The following ARHGAP10 variants were observed in gnomAD, a reference collection of about 807,000 sequenced individuals.
The protein encoded by ARHGAP10 is Rho GTPase activating protein 10, also known as rho GTPase-activating protein 10.
In ARHGAP10, 87 loss-of-function variants were observed where a neutral mutation model predicts 108.6. That is an observed-to-expected ratio of 0.80 (90% confidence interval 0.67 to 0.96). The LOEUF (loss-of-function observed/expected upper bound fraction) is 0.96. ARHGAP10 is among the 40% of genes least tolerant of loss of function. The pLI is 0.00. For synonymous variants in ARHGAP10, 347 were observed against 341.1 expected, an observed-to-expected ratio of 1.02 and a Z score of -0.19; for missense variants, 939 against 954.5, an observed-to-expected ratio of 0.98 and a Z score of 0.21.
chr4:147,802,714 G>C (rs983846136), intron 1 of ARHGAP10, among the ~76,000 whole-genome samples: 1 of 152,184 alleles, frequency 6.6e-6, no homozygotes, highest in Non-Finnish European at 1.5e-5. Context: ...GACCATGCAG[G>C]GTGAATCTAA....
At chr4:147,919,559 T>TA in intron 13 of ARHGAP10, among the ~76,000 whole-genome samples, 1 of 124,198 alleles carries the variant, frequency 8.1e-6, no homozygotes, top group East Asian at 2.2e-4. Flanking sequence ...TGGGATCTTT[T>TA]AAAAACAATT....
At chr4:147,759,897 T>TAC (rs1729525412) in intron 1 of ARHGAP10, among the ~76,000 whole-genome samples, 2 of 152,068 alleles carry the variant, frequency 1.3e-5, no homozygotes, top group Non-Finnish European at 2.9e-5. Context: ...TACAGGAGCC[T>TAC]GCCACCATGC....
chr4:147,990,352 A>G (rs1435922678), intron 18 of ARHGAP10, among the ~76,000 whole-genome samples: 1 of 152,216 alleles, frequency 6.6e-6, no homozygotes, highest in Non-Finnish European at 1.5e-5. Flanking sequence ...TTAGCCAGAA[A>G]ATGGCTAAAC....
rs184081986 is a variant in ARHGAP10 at position 148,049,910 on chromosome 4, C to T, written c.2027+2859C>T. On this transcript the variant is annotated intron_variant, in intron 20 of 22. Transcript: ENST00000336498. ...GAAGACTGAGTCTCACTCTGTCACC[C>T]AGGCTGGAGTGTGGTGGCATGATCT... Among the ~76,000 whole-genome samples the T allele has an allele frequency of 9.4e-3, 1,418 of 151,600 alleles. 7 individuals carry two copies. Among genetic ancestry groups the T allele is most frequent in the Middle Eastern group, 0.027 (8 of 292 alleles).
chr4:147,840,310 T>A lies in ARHGAP10; in HGVS notation c.313-6841T>A, dbSNP rs964611992. 7.2e-5 allele frequency among the ~76,000 whole-genome samples: 11 copies of A among 152,120 alleles called. 1 individual carries two copies. The highest frequency in any genetic ancestry group is 7.2e-4 in the Admixed American group (11 of 15,270). On this transcript the variant is annotated intron_variant, in intron 3 of 22. Coordinates refer to ENST00000336498, the MANE Select transcript of ARHGAP10 (RefSeq NM_024605.4). ...CTCCCTTTAAGCAAATCAGAATGAT[T>A]TTTTTTCTTCTCTCATGCAGTACCC...
At chr4:147,910,663 T>C (rs906380270) in intron 12 of ARHGAP10, among the ~76,000 whole-genome samples, 1 of 152,114 alleles carries the variant, frequency 6.6e-6, no homozygotes, top group African/African-American at 2.4e-5. Context: ...CATGCCCAGC[T>C]CTGTACCCTT....
intron 20 of ARHGAP10, among the ~76,000 whole-genome samples, chr4:148,060,678 T>C (rs1020867229): frequency 1.3e-5 from 2 of 152,176 alleles, no homozygotes; most frequent in African/African-American, 4.8e-5. Flanking sequence ...GTCTTGTGAA[T>C]ATTCCAGCTT....
chr4:147,998,692 A>T (rs955271830), intron 18 of ARHGAP10, among the ~76,000 whole-genome samples: 2 of 152,274 alleles, frequency 1.3e-5, no homozygotes, highest in African/African-American at 4.8e-5. Context: ...AAAATACATT[A>T]GTATATCCTA....
chr4:147,909,839 T>TA, intron 12 of ARHGAP10, 62 bp downstream of exon 12: 1 of 1,504,046 alleles, frequency 6.6e-7, no homozygotes, highest in Non-Finnish European at 9.2e-7. Context: ...TTGTGTACAT[T>TA]ATGCATGTCA....
chr4:147,946,408 T>C, intron 14 of ARHGAP10: 1 of 440,220 alleles, frequency 2.3e-6, no homozygotes, highest in Non-Finnish European at 4.0e-6. Flanking sequence ...TTTGCTTTGA[T>C]CTCTACTACA....
At chr4:147,909,041 G>C (rs1056066115) in intron 11 of ARHGAP10, among the ~76,000 whole-genome samples, 3 of 152,174 alleles carry the variant, frequency 2.0e-5, no homozygotes, top group Non-Finnish European at 4.4e-5. Context: ...GAGTTCAGGT[G>C]CCCATCACAA....
intron 1 of ARHGAP10, among the ~76,000 whole-genome samples, chr4:147,754,718 A>G (rs529819155): frequency 6.6e-6 from 1 of 152,330 alleles, no homozygotes; most frequent in South Asian, 2.1e-4. Flanking sequence ...AAGCAAAATA[A>G]CAGGAAAAAG....
chr4:147,955,688 A>G (rs1346646744), intron 16 of ARHGAP10, among the ~76,000 whole-genome samples: 2 of 152,158 alleles, frequency 1.3e-5, no homozygotes, highest in African/African-American at 4.8e-5. Flanking sequence ...TACAAAATGT[A>G]CAATAATGGC....
chr4:147,909,823 A>G (rs780830768), intron 12 of ARHGAP10, 46 bp downstream of exon 12: 10 of 1,559,324 alleles, frequency 6.4e-6, no homozygotes, highest in South Asian at 1.1e-5. Context: ...TTTTCCATCT[A>G]TTACTTTGTG....
chr4:147,904,704 G>A (rs1213664862), intron 10 of ARHGAP10, among the ~76,000 whole-genome samples: 4 of 152,296 alleles, frequency 2.6e-5, no homozygotes, highest in East Asian at 1.9e-4. Context: ...GTGTGCATGT[G>A]TCTTTATAGC....
intron 1 of ARHGAP10, among the ~76,000 whole-genome samples, chr4:147,819,512 TTTTTTA>T (rs1361335785): frequency 9.9e-5 from 15 of 151,892 alleles, no homozygotes; most frequent in East Asian, 7.7e-4. Flanking sequence ...TATTATATCT[TTTTTTA>T]TTTTTATTTT....
chr4:147,761,636 A>G (rs1447335810), intron 1 of ARHGAP10, among the ~76,000 whole-genome samples: 2 of 152,236 alleles, frequency 1.3e-5, no homozygotes, highest in African/African-American at 2.4e-5. Context: ...TATATCAGGC[A>G]TTTAAATTTA....
At chr4:147,992,237 G>A (rs972864933) in intron 18 of ARHGAP10, among the ~76,000 whole-genome samples, 4 of 152,028 alleles carry the variant, frequency 2.6e-5, no homozygotes, top group Admixed American at 6.6e-5. Context: ...GCTGTCGTTC[G>A]GTCCCCACAT....
At position 147,822,577 on chromosome 4, in the gene ARHGAP10, C is replaced by T. The variant is rs538753198; in HGVS notation, c.155-150C>T. ...CCAGAGCGTGCCAGGTTGAAGATGG[C>T]GGGCCATTTGGCAAGGGAGTTGGGT... On this transcript the variant is annotated intron_variant, in intron 1 of 22. Transcript: ENST00000336498. 1.2e-3 allele frequency: 847 copies of T among 724,296 alleles called. 10 individuals are homozygous for T. In the South Asian group the frequency reaches 0.013, roughly 11 times the overall value. 44.9% of individuals were successfully genotyped at this position (724,296 alleles called of 1,614,324 possible). A position where few individuals can be genotyped will look rare whatever the true frequency, so the allele number is the denominator to read the frequency against.
Sources: allele counts gnomAD v4.1 joint callset (sites outside exome capture counted in the v4.1 genomes callset), GRCh38; gene constraint gnomAD v4.1.1; transcripts MANE v1.5; gene names NCBI Gene and HGNC (gene_info 2026-07-23, HGNC 2026-07-21).